Variants in PCDHAC1 observed in about 807,000 individuals in gnomAD.
The protein encoded by PCDHAC1 is protocadherin alpha subfamily C, 1, also known as protocadherin alpha-C1.
PCDHAC1 carries 42 observed loss-of-function variants against 60.0 expected under a neutral mutation model. That is an observed-to-expected ratio of 0.70 (90% CI 0.55 to 0.90). PCDHAC1 has a LOEUF of 0.90. Ranked by LOEUF, PCDHAC1 falls within the 40% of genes least tolerant of loss-of-function variation. PCDHAC1 has a pLI of 0.00. For missense variants in PCDHAC1, 1,160 were observed against 1,222.3 expected, an observed-to-expected ratio of 0.95 and a Z score of 0.76; for synonymous variants, 468 against 499.3, an observed-to-expected ratio of 0.94 and a Z score of 0.84.
chr5:141,003,740 C>T (rs1490080996), intron 3 of PCDHAC1, among the ~76,000 whole-genome samples: 1 of 152,146 alleles, frequency 6.6e-6, no homozygotes, highest in African/African-American at 2.4e-5. Flanking sequence ...AAAGCAAAAC[C>T]ATATTTTGTA....
At chr5:140,955,654 A>G (rs2095214723) in intron 1 of PCDHAC1, among the ~76,000 whole-genome samples, 1 of 152,208 alleles carries the variant, frequency 6.6e-6, no homozygotes, top group South Asian at 2.1e-4. Flanking sequence ...TAATACACAT[A>G]TGAATTTTAA....
At chr5:140,931,396 G>C (rs1554208395) in intron 1 of PCDHAC1, among the ~76,000 whole-genome samples, 1 of 152,000 alleles carries the variant, frequency 6.6e-6, no homozygotes, top group Non-Finnish European at 1.5e-5. Flanking sequence ...ATAAGTAAGC[G>C]ATAGGAAGGC....
At chr5:140,968,397 A>G in intron 1 of PCDHAC1, 7 of 1,613,892 alleles carry the variant, frequency 4.3e-6, no homozygotes, top group Non-Finnish European at 5.9e-6. Context: ...AAGTTTCGGG[A>G]GTTCTTTGTG....
At chr5:140,989,531 G>C (rs782610172) in intron 3 of PCDHAC1, among the ~76,000 whole-genome samples, 1 of 152,198 alleles carries the variant, frequency 6.6e-6, no homozygotes, top group Non-Finnish European at 1.5e-5. Flanking sequence ...AGAGGAGGAA[G>C]ATAGTTTGTA....
chr5:140,984,659 C>G (rs560265457), intron 3 of PCDHAC1, among the ~76,000 whole-genome samples: 4 of 152,246 alleles, frequency 2.6e-5, no homozygotes, highest in African/African-American at 9.6e-5. Flanking sequence ...CCTTCTGGTA[C>G]TTTTAGGTTT....
chr5:140,948,468 CT>C (rs1173060430), intron 1 of PCDHAC1, among the ~76,000 whole-genome samples: 1 of 151,468 alleles, frequency 6.6e-6, no homozygotes, highest in African/African-American at 2.4e-5. Flanking sequence ...GGGAAAGTTT[CT>C]GATAATAAAT....
At chr5:140,929,555 C>A in intron 1 of PCDHAC1, 1 of 485,752 alleles carries the variant, frequency 2.1e-6, no homozygotes, top group Non-Finnish European at 3.5e-6. Context: ...AAATTAAAAC[C>A]TATTTAAGAA....
chr5:140,998,423 T>C (rs1248330149), intron 3 of PCDHAC1, among the ~76,000 whole-genome samples: 1 of 152,248 alleles, frequency 6.6e-6, no homozygotes, highest in African/African-American at 2.4e-5. Context: ...ACCTGGTTTA[T>C]CCTTTAACAC....
chr5:140,929,679 G>T lies in PCDHAC1; in HGVS notation c.2433+354G>T, dbSNP rs142104946. ...ATTTAAAGTGAAGAATGAAAAATAT[G>T]TAAGAGTCTGCTTTATATGAATATA... On this transcript the variant is annotated intron_variant, in intron 1 of 3. Coordinates refer to ENST00000253807, the MANE Select transcript of PCDHAC1 (RefSeq NM_018898.5). 2.7e-3 allele frequency: 822 copies of T among 303,170 alleles called. 4 individuals are homozygous for T. Among genetic ancestry groups the T allele is most frequent in the African/African-American group, 0.017 (768 of 46,460 alleles). The allele number at this position is 303,170 out of a possible 1,614,324, so 18.8% of individuals were successfully genotyped here. A position where few individuals can be genotyped will look rare whatever the true frequency, so the allele number is the denominator to read the frequency against.
In PCDHAC1 at chr5:141,000,327, C is replaced by G. The variant is rs555445425; in HGVS notation, c.2582-9300C>G. On this transcript the variant is annotated intron_variant, in intron 3 of 3. Coordinates refer to ENST00000253807, the MANE Select transcript of PCDHAC1 (RefSeq NM_018898.5). ...GAGTTCAAGACCAGCTTGGGCAACA[C>G]AGCAAGGCCCTATCTCTCTCTCTGT... is the stretch of plus-strand genomic sequence containing the variant. 3.5e-5 allele frequency among the ~76,000 whole-genome samples: 5 copies of G among 144,706 alleles called. No homozygotes were observed. The South Asian group carries it at 1.1e-3, about 32-fold the overall frequency. 94.9% of individuals were successfully genotyped at this position (144,706 alleles called of 152,430 possible). A position where few individuals can be genotyped will look rare whatever the true frequency, so the allele number is the denominator to read the frequency against.
At chr5:140,965,561 A>T (rs2095912417) in intron 1 of PCDHAC1, among the ~76,000 whole-genome samples, 1 of 152,114 alleles carries the variant, frequency 6.6e-6, no homozygotes, top group Admixed American at 6.5e-5. Context: ...TTAGGAGATC[A>T]ACAGTAACGC....
chr5:140,942,591 T>C (rs1180688838), intron 1 of PCDHAC1, among the ~76,000 whole-genome samples: 1 of 147,516 alleles, frequency 6.8e-6, no homozygotes, highest in East Asian at 2.0e-4. Context: ...ATGTCACATA[T>C]AATTATAGTG....
intron 1 of PCDHAC1, among the ~76,000 whole-genome samples, chr5:140,948,785 G>T (rs2094304738): frequency 6.6e-6 from 1 of 151,242 alleles, no homozygotes; most frequent in South Asian, 2.1e-4. Flanking sequence ...TTTTGGCTTT[G>T]TTGATATATT....
intron 3 of PCDHAC1, among the ~76,000 whole-genome samples, chr5:140,995,073 C>A (rs2097663037): frequency 6.6e-6 from 1 of 152,180 alleles, no homozygotes; most frequent in Non-Finnish European, 1.5e-5. Context: ...CAACCTACAG[C>A]AATCCAAACT....
intron 1 of PCDHAC1, among the ~76,000 whole-genome samples, chr5:140,944,191 G>A (rs181232402): frequency 6.6e-6 from 1 of 151,980 alleles, no homozygotes. Flanking sequence ...GGTTTGTTTT[G>A]TTTTGTTTTG....
chr5:140,999,132 T>C (rs1430473415), intron 3 of PCDHAC1, among the ~76,000 whole-genome samples: 2 of 152,160 alleles, frequency 1.3e-5, no homozygotes, highest in Non-Finnish European at 2.9e-5. Flanking sequence ...CTGGAAAATG[T>C]CACAGCCGGA....
intron 3 of PCDHAC1, among the ~76,000 whole-genome samples, chr5:140,987,298 G>A (rs2097247103): frequency 6.6e-6 from 1 of 152,086 alleles, no homozygotes; most frequent in South Asian, 2.1e-4. Context: ...AGCCTTCTAT[G>A]TGATACCAAT....
chr5:140,946,980 T>G (rs757011315), intron 1 of PCDHAC1, among the ~76,000 whole-genome samples: 4 of 151,702 alleles, frequency 2.6e-5, no homozygotes, highest in Non-Finnish European at 5.9e-5. Context: ...AATAGAGGAT[T>G]TTGAGTGTTC....
At chr5:140,967,135 G>A in intron 1 of PCDHAC1, 1 of 1,611,752 alleles carries the variant, frequency 6.2e-7, no homozygotes, top group South Asian at 1.1e-5. Context: ...GCTTGGAAGT[G>A]CTGGCGCACA....
Sources: gnomAD v4.1 joint callset for allele counts (sites outside exome capture counted in the v4.1 genomes callset) on GRCh38, gnomAD v4.1.1 for gene constraint, MANE v1.5 for transcripts, NCBI Gene and HGNC (gene_info 2026-07-23, HGNC 2026-07-21) for gene names.